The following C6 variants were observed in gnomAD, a reference collection of about 807,000 sequenced individuals.
The protein encoded by C6 is complement C6.
In C6, 101 loss-of-function variants were observed where a neutral mutation model predicts 112.9. That is an observed-to-expected ratio of 0.89 (90% confidence interval 0.76 to 1.06). C6 has a LOEUF of 1.06. C6 is among the 50% of genes least tolerant of loss of function. The probability of loss-of-function intolerance (pLI) is 0.00; values close to 1 mark genes in which losing one functional copy is unlikely to be tolerated. For synonymous variants in C6, 431 were observed against 384.1 expected (o/e 1.12, Z -1.43); for missense variants, 1,202 against 1,104.6 (o/e 1.09, Z -1.25).
chr5:41,241,707 C>T (rs898400282), intron 1 of C6, among the ~76,000 whole-genome samples: 6 of 152,104 alleles, frequency 3.9e-5, no homozygotes, highest in Non-Finnish European at 8.8e-5. Context: ...ACAGAAGAGA[C>T]ATTAACTAGA....
chr5:41,177,609 T>C (rs529164600), intron 7 of C6, among the ~76,000 whole-genome samples: 1 of 145,992 alleles, frequency 6.8e-6, no homozygotes, highest in East Asian at 1.9e-4. Context: ...CTGTTAATTA[T>C]TAACCGTATT....
In C6 at chr5:41,199,888, G is replaced by A; in HGVS notation, c.325C>T (p.Pro109Ser). Residue 109 changes from proline to serine, a missense_variant, in exon 4 of 18, where the codon CCC becomes TCC. Transcript: ENST00000337836. ...CATGGCTGTCCCCCAAACTGACTGG[G>A]ACGCAAGACAGATCTAACTTTAGAC... The part of the protein sequence containing the change: ...KQSKVRSVLR[P>S]SQFGGQPCTA... 6.2e-7 allele frequency: 1 copy of A among 1,613,690 alleles called. No individual in the cohort carries two copies. The highest frequency in any genetic ancestry group is 1.3e-5 in the African/African-American group (1 of 75,018).
chr5:41,176,856 A>C, intron 7 of C6, 141 bp from the exon 8 acceptor site: 14 of 830,944 alleles, frequency 1.7e-5, no homozygotes, highest in Non-Finnish European at 2.4e-5. Flanking sequence ...GCATGTTCTC[A>C]CGTACAAAAT....
At chr5:41,217,954 A>G (rs140315715), upstream of C6, among the ~76,000 whole-genome samples, 971 of 152,286 alleles carry the variant, frequency 6.4e-3, 6 homozygotes, top group Non-Finnish European at 0.011. Flanking sequence ...CACTACTACA[A>G]TGAAAATCAC....
At position 41,213,472 on chromosome 5, in the gene C6, A is replaced by G. The variant is rs1752068209; in HGVS notation, c.-117T>C. 4 of 985,262 alleles carry G rather than the reference A, an allele frequency of 4.1e-6. No individual in the cohort carries two copies. The highest frequency in any genetic ancestry group is 4.8e-6 in the Non-Finnish European group (4 of 829,910). The allele number at this position is 985,262 out of a possible 1,614,324, so 61.0% of individuals were successfully genotyped here. On this transcript the variant is annotated 5_prime_UTR_variant, in exon 1 of 18. Coordinates refer to ENST00000337836, the MANE Select transcript of C6 (RefSeq NM_000065.5). ...GAAGAGGGTATATATGTTAATCCAA[A>G]CAAAGCTTCTTTTCTTATTGCTAGC...
At chr5:41,182,389 A>T (rs981203761) in intron 6 of C6, among the ~76,000 whole-genome samples, 7 of 152,098 alleles carry the variant, frequency 4.6e-5, no homozygotes, top group African/African-American at 1.7e-4. Context: ...CACTGTTTTA[A>T]GACACTGACA....
chr5:41,205,194 C>T (rs1251894610), intron 1 of C6, among the ~76,000 whole-genome samples: 1 of 152,162 alleles, frequency 6.6e-6, no homozygotes, highest in Non-Finnish European at 1.5e-5. Flanking sequence ...TACTCCAACT[C>T]ATAGATATGC....
intron 7 of C6, 28 bp from the exon 8 acceptor site, chr5:41,176,743 G>T: frequency 6.3e-7 from 1 of 1,596,626 alleles, no homozygotes; most frequent in South Asian, 1.1e-5. Flanking sequence ...GTAAAAAGAT[G>T]ATTAAAGGTA....
intron 4 of C6, among the ~76,000 whole-genome samples, chr5:41,196,271 A>T (rs944712621): frequency 2.6e-5 from 4 of 151,860 alleles, no homozygotes; most frequent in African/African-American, 9.7e-5. Context: ...TTGATCTAGG[A>T]TGGGAGACTC....
chr5:41,162,954 C>T (rs187823853), intron 9 of C6, among the ~76,000 whole-genome samples: 82 of 152,106 alleles, frequency 5.4e-4, no homozygotes, highest in African/African-American at 1.8e-3. Flanking sequence ...ACAGTGGCTT[C>T]GTCATGTTAT....
At position 41,254,755 on chromosome 5, in the gene C6, T is replaced by A. The variant is rs542096009; in HGVS notation, c.-21+6439A>T. 5.9e-5 allele frequency among the ~76,000 whole-genome samples: 9 copies of A among 152,312 alleles called. No individual in the cohort carries two copies. In the South Asian group the frequency reaches 1.7e-3, roughly 28 times the overall value. On this transcript the variant is annotated intron_variant, in intron 1 of 17. Coordinates refer to the C6 transcript ENST00000263413. ...TAATCAAATTGACAACATTTTATCT[T>A]TATAAAATTTTAACTGAAGAACAGT...
chr5:41,261,094 C>T (rs1324216658), intron 1 of C6: 1 of 653,502 alleles, frequency 1.5e-6, no homozygotes, highest in Non-Finnish European at 1.9e-6. Context: ...CCTTTGTAAA[C>T]TTTCATCTGG....
intron 5 of C6, among the ~76,000 whole-genome samples, chr5:41,191,114 T>C (rs1750169600): frequency 7.7e-6 from 1 of 130,128 alleles, no homozygotes; most frequent in Admixed American, 9.3e-5. Context: ...TTGCCCAGGC[T>C]GGAGTGCAGT....
At position 41,181,565 on chromosome 5, in the gene C6, G is replaced by A. The variant is rs372653393; in HGVS notation, c.727-6C>T. ...TCATCTTCTGCAGTTTGTACCTGGA[G>A]AAAAATCCATGTAAAATAAAATATA... On this transcript the variant is annotated splice_polypyrimidine_tract_variant and splice_region_variant and intron_variant, in intron 6 of 17. Coordinates refer to ENST00000337836, the MANE Select transcript of C6 (RefSeq NM_000065.5). 8 of 1,606,826 alleles carry A rather than the reference G, an allele frequency of 5.0e-6. No individual in the cohort carries two copies. In the African/African-American group the frequency reaches 1.1e-4, roughly 22 times the overall value.
chr5:41,238,789 G>T (rs1232320642), intron 1 of C6, among the ~76,000 whole-genome samples: 3 of 152,110 alleles, frequency 2.0e-5, no homozygotes, highest in African/African-American at 7.2e-5. Context: ...AACCTATTTT[G>T]TTAGTAAAAA....
chr5:41,154,636 T>G (rs1746723277), intron 14 of C6, among the ~76,000 whole-genome samples: 1 of 152,198 alleles, frequency 6.6e-6, no homozygotes, highest in South Asian at 2.1e-4. Flanking sequence ...TTCTTGAGAC[T>G]CAGCATTTTG....
chr5:41,181,079 T>C (rs1385554221), intron 7 of C6, among the ~76,000 whole-genome samples: 2 of 151,868 alleles, frequency 1.3e-5, no homozygotes, highest in Non-Finnish European at 1.5e-5. Flanking sequence ...AGTTCTGTTG[T>C]ATGGAGTTTA....
intron 1 of C6, among the ~76,000 whole-genome samples, chr5:41,206,665 A>G (rs947404000): frequency 7.2e-5 from 11 of 152,176 alleles, no homozygotes; most frequent in Admixed American, 6.5e-4. Flanking sequence ...GTGAGAAGAG[A>G]AGTTTAGAGA....
In C6 at chr5:41,243,975, T is replaced by A. The variant is rs1231326687; in HGVS notation, c.-21+17219A>T. On this transcript the variant is annotated intron_variant, in intron 1 of 17. Transcript: ENST00000263413. ...GTCATAACACACAATATTGTCTTCA[T>A]TTCTTTCCCAGTCTTATCACCTTCC... Among the ~76,000 whole-genome samples the A allele has an allele frequency of 2.0e-5, 3 of 152,340 alleles. No individual in the cohort carries two copies. The East Asian group carries it at 5.8e-4, about 29-fold the overall frequency.
Sources: gnomAD v4.1 joint callset for allele counts (sites outside exome capture counted in the v4.1 genomes callset) on GRCh38, gnomAD v4.1.1 for gene constraint, MANE v1.5 for transcripts, NCBI Gene and HGNC (gene_info 2026-07-23, HGNC 2026-07-21) for gene names.